The following ATP11B variants were observed in gnomAD, a reference collection of about 807,000 sequenced individuals.
ATP11B encodes ATPase phospholipid transporting 11B (putative), also known as phospholipid-transporting ATPase IF.
A neutral mutation model predicts 157.8 loss-of-function variants in ATP11B; 81 were observed. That is an observed-to-expected ratio of 0.51 (90% CI 0.43 to 0.62). ATP11B has a LOEUF of 0.62. ATP11B is among the 20% of genes least tolerant of loss of function. The pLI is 0.00. For synonymous variants in ATP11B, 451 were observed against 469.4 expected (o/e 0.96, Z 0.51); for missense variants, 1,165 against 1,402.2 (o/e 0.83, Z 2.70).
intron 4 of ATP11B, among the ~76,000 whole-genome samples, chr3:182,832,922 T>C (rs1293619432): frequency 6.6e-6 from 1 of 152,056 alleles, no homozygotes; most frequent in Non-Finnish European, 1.5e-5. Context: ...TCAGAGACGG[T>C]TTTGTGGAGG....
At chr3:182,879,474 A>G in intron 19 of ATP11B, 22 bp from the exon 20 acceptor site, 1 of 1,581,460 alleles carries the variant, frequency 6.3e-7, no homozygotes, top group Non-Finnish European at 8.6e-7. Context: ...CTTACAGAGA[A>G]TATAATTATT....
At chr3:182,813,531 C>T (rs540916923) in intron 1 of ATP11B, among the ~76,000 whole-genome samples, 136 of 152,242 alleles carry the variant, frequency 8.9e-4, no homozygotes, top group African/African-American at 3.2e-3. Flanking sequence ...TCCCCACCAA[C>T]TGTAAAACTG....
chr3:182,885,785 A>C (rs563757274), intron 22 of ATP11B, among the ~76,000 whole-genome samples, 166 bp from the exon 23 acceptor site: 1 of 152,216 alleles, frequency 6.6e-6, no homozygotes, highest in South Asian at 2.1e-4. Flanking sequence ...TTTTTTGATA[A>C]AATGGGAATC....
At position 182,879,601 on chromosome 3, in the gene ATP11B, TTGTTCAGCTGTATTATGC is replaced by T. The variant is rs1368471419; in HGVS notation, c.2362_2379del (p.Ser788_Cys793del). The stretch of plus-strand genomic sequence containing the variant: ...AACTATTTATGGAAGTTTGCAGAAA[TTGTTCAGCTGTATTATGC>T]TGTCGTATGGCTCCACTGCAGAAAG... On this transcript the variant is annotated inframe_deletion, in exon 20 of 30. Transcript: ENST00000323116. The T allele has an allele frequency of 6.2e-7, 1 of 1,614,146 alleles. No individual in the cohort carries two copies.
At chr3:182,804,378 T>G (rs922423150) in intron 1 of ATP11B, among the ~76,000 whole-genome samples, 1 of 151,934 alleles carries the variant, frequency 6.6e-6, no homozygotes, top group African/African-American at 2.4e-5. Flanking sequence ...CCCGAGTAGC[T>G]GGGACTACAG....
At chr3:182,896,833 A>T (rs1193904906) in intron 26 of ATP11B, 68 bp downstream of exon 26, 4 of 1,183,618 alleles carry the variant, frequency 3.4e-6, no homozygotes, top group Non-Finnish European at 5.0e-6. Context: ...AACTTTCTTC[A>T]TTTCTTTAGC....
chr3:182,871,614 T>C (rs1721658289), intron 17 of ATP11B, among the ~76,000 whole-genome samples: 1 of 152,226 alleles, frequency 6.6e-6, no homozygotes, highest in Non-Finnish European at 1.5e-5. Flanking sequence ...TAGAAAATTG[T>C]ACGAAGTAGG....
Position 182,901,340 on chromosome 3 carries a change from C to CAAAA in ATP11B, c.3318+2578_3318+2581dup, listed in dbSNP as rs1226647966. Among the ~76,000 whole-genome samples the CAAAA allele has an allele frequency of 1.8e-3, 89 of 48,974 alleles. 2 individuals carry two copies. Among genetic ancestry groups the CAAAA allele is most frequent in the Middle Eastern group, 0.012 (1 of 86 alleles). The allele number at this position is 48,974 out of a possible 152,430, so 32.1% of individuals were successfully genotyped here. ...GGCGACAAAGTGAGACTCCGTCTCA[C>CAAAA]AAAAAAAAAAAAACAAAAAAAAAAC... is the stretch of plus-strand genomic sequence containing the variant. On this transcript the variant is annotated intron_variant, in intron 28 of 29. Transcript: ENST00000323116.
chr3:182,885,077 G>C (rs1229993036), intron 22 of ATP11B, among the ~76,000 whole-genome samples, 179 bp downstream of exon 22: 4 of 152,058 alleles, frequency 2.6e-5, no homozygotes, highest in Non-Finnish European at 4.4e-5. Context: ...CTGGGGCCCA[G>C]GGGTTCCATG....
intron 2 of ATP11B, among the ~76,000 whole-genome samples, chr3:182,824,848 C>T (rs991993563): frequency 2.0e-5 from 3 of 152,132 alleles, no homozygotes; most frequent in African/African-American, 4.8e-5. Context: ...TACCACTGTG[C>T]CTTTGCTTTG....
At chr3:182,877,165 A>G (rs927193781) in intron 19 of ATP11B, among the ~76,000 whole-genome samples, 21 of 152,060 alleles carry the variant, frequency 1.4e-4, no homozygotes, top group Admixed American at 7.9e-4. Context: ...TCATAGTCCT[A>G]TCCCTACAGA....
chr3:182,897,316 C>T lies in ATP11B; in HGVS notation c.3062C>T (p.Thr1021Ile), dbSNP rs1419688119. 11 of 1,567,092 alleles carry T rather than the reference C, an allele frequency of 7.0e-6. No homozygotes were observed. Among genetic ancestry groups the T allele is most frequent in the South Asian group, 1.2e-5 (1 of 81,748 alleles). ...ITVTVKMALE[T>I]HFWTWINHLV... is the part of the protein sequence containing the mutation. ...ACTTTTTTTTAGATGGCTCTGGAAA[C>T]TCATTTTTGGACTTGGATCAACCAT... The change falls in exon 27 of 30, where the codon ACT becomes ATT. Residue 1021 changes from threonine to isoleucine, a missense_variant. By Grantham distance (89) the Thr-to-Ile change is moderately conservative. This residue lies in a region of ATP11B where 303 missense variants were observed against 296.3 expected (regional missense o/e 1.02). Coordinates refer to ENST00000323116, the MANE Select transcript of ATP11B (RefSeq NM_014616.3).
chr3:182,889,441 A>G lies in ATP11B; in HGVS notation c.2875A>G (p.Lys959Glu). ...DISKNRLLSI[K>E]TFLYWTILGF... ...TAGTAAAAACCGCCTCTTAAGTATT[A>G]AAACATTTCTTTATTGGACCATCCT... The change falls in exon 25 of 30, where the codon AAA becomes GAA. Residue 959 changes from lysine (K) to glutamate (E), a missense_variant. Physicochemically the swap from Lys to Glu is moderately conservative, Grantham distance 56 (BLOSUM62 1). This residue lies in a region of ATP11B where 303 missense variants were observed against 296.3 expected (regional missense o/e 1.02). Coordinates refer to ENST00000323116, the MANE Select transcript of ATP11B (RefSeq NM_014616.3). 1 of 1,577,266 alleles carries G rather than the reference A, an allele frequency of 6.3e-7. No homozygotes were observed. The highest frequency in any genetic ancestry group is 1.2e-5 in the South Asian group (1 of 84,284).
intron 10 of ATP11B, among the ~76,000 whole-genome samples, chr3:182,850,845 A>G (rs919953322): frequency 2.6e-5 from 4 of 152,242 alleles, no homozygotes; most frequent in Non-Finnish European, 5.9e-5. Context: ...ACGGTCCATC[A>G]GCAGACGGAT....
intron 5 of ATP11B, 23 bp from the exon 6 acceptor site, chr3:182,836,319 C>T (rs1718550075): frequency 6.2e-7 from 1 of 1,612,380 alleles, no homozygotes; most frequent in Non-Finnish European, 8.5e-7. Flanking sequence ...TATAAATTCA[C>T]TCTTCCCCAA....
intron 17 of ATP11B, among the ~76,000 whole-genome samples, chr3:182,869,549 C>G (rs1020537186): frequency 5.3e-5 from 8 of 152,202 alleles, no homozygotes; most frequent in Admixed American, 5.2e-4. Flanking sequence ...TTTCTGGTTA[C>G]AAGGTCTACT....
intron 28 of ATP11B, among the ~76,000 whole-genome samples, chr3:182,913,011 A>G (rs1442803073): frequency 6.6e-6 from 1 of 151,992 alleles, no homozygotes; most frequent in Non-Finnish European, 1.5e-5. Flanking sequence ...TTTCCCCCTC[A>G]TTTTTACTCA....
chr3:182,910,389 C>T (rs1370321155), intron 28 of ATP11B, among the ~76,000 whole-genome samples: 4 of 151,740 alleles, frequency 2.6e-5, no homozygotes, highest in South Asian at 2.1e-4. Context: ...CAGCCTGGGC[C>T]GTATAGTAAG....
At chr3:182,825,722 CAAAA>C (rs1214752270) in intron 2 of ATP11B, among the ~76,000 whole-genome samples, 3 of 89,646 alleles carry the variant, frequency 3.3e-5, no homozygotes, top group Non-Finnish European at 4.9e-5. Flanking sequence ...GACTCTGTCT[CAAAA>C]AAAAAAAAAA....
Sources: gnomAD v4.1 joint callset for allele counts (sites outside exome capture counted in the v4.1 genomes callset) on GRCh38, gnomAD v4.1.1 for gene constraint, gnomAD v4.1.1 regional missense constraint, MANE v1.5 for transcripts, NCBI Gene and HGNC (gene_info 2026-07-23, HGNC 2026-07-21) for gene names.